Variants in ICA1 observed in about 807,000 individuals in gnomAD.
ICA1 encodes the protein islet cell autoantigen 1, also known as 69 kDa islet cell autoantigen.
ICA1 carries 40 observed loss-of-function variants against 71.0 expected under a neutral mutation model. The observed-to-expected ratio is 0.56, with a 90% confidence interval of 0.44 to 0.73. The LOEUF is 0.73. Ranked by LOEUF, ICA1 falls within the 30% of genes least tolerant of loss-of-function variation. The pLI, the probability that ICA1 is intolerant of heterozygous loss-of-function variation, is 0.00. For synonymous variants in ICA1, 207 were observed against 209.5 expected (o/e 0.99, Z 0.10); for missense variants, 578 against 576.5 (o/e 1.00, Z -0.03).
At chr7:8,232,078 C>A (rs1477244629) in intron 3 of ICA1, among the ~76,000 whole-genome samples, 5 of 152,050 alleles carry the variant, frequency 3.3e-5, no homozygotes, top group Non-Finnish European at 7.4e-5. Context: ...GTTAGTGGGC[C>A]TTCTTATATT....
At chr7:8,134,764 C>T (rs557282294) in intron 12 of ICA1, among the ~76,000 whole-genome samples, 28 of 152,186 alleles carry the variant, frequency 1.8e-4, no homozygotes, top group Non-Finnish European at 3.4e-4. Flanking sequence ...CTAAGAACTT[C>T]GCTCTGATGA....
intron 7 of ICA1, 92 bp downstream of exon 7, chr7:8,158,434 TG>T: frequency 6.6e-7 from 1 of 1,511,118 alleles, no homozygotes; most frequent in South Asian, 1.2e-5. Context: ...AACTTCACAA[TG>T]GCCAAAGCTT....
rs1798631671 is a variant in ICA1 at position 8,226,445 on chromosome 7, C to G, written c.256+2156G>C. Among the ~76,000 whole-genome samples the G allele has an allele frequency of 6.6e-6, 1 of 152,160 alleles. No homozygotes were observed. Among genetic ancestry groups the G allele is most frequent in the African/African-American group, 2.4e-5 (1 of 41,444 alleles). On this transcript the variant is annotated intron_variant, in intron 4 of 13. Coordinates refer to ENST00000402384, the MANE Select transcript of ICA1 (RefSeq NM_001136020.3). This position sits in a 1 kb window ranked among gnomAD's most constrained non-coding sequence, Gnocchi z 4.4. ...CTTTTTTTACATTTATATTTTATAT[C>G]ACCTTCTTGCTTGCATGAAGGATAG...
At chr7:8,127,761 TA>T in intron 13 of ICA1, 111 bp downstream of exon 13, 1 of 1,230,666 alleles carries the variant, frequency 8.1e-7, no homozygotes, top group Non-Finnish European at 1.1e-6. Flanking sequence ...AAAAAGTCAA[TA>T]AAAATAGAGA....
chr7:8,181,997 CA>C (rs1782329249), intron 6 of ICA1, among the ~76,000 whole-genome samples: 1 of 152,148 alleles, frequency 6.6e-6, no homozygotes. Context: ...TAGTTACTTG[CA>C]AAGCTTATGG....
chr7:8,195,909 A>T (rs12702704), intron 6 of ICA1, among the ~76,000 whole-genome samples: 86 of 152,144 alleles, frequency 5.7e-4, no homozygotes, highest in Admixed American at 2.1e-3. Context: ...ACCCAGGAGG[A>T]AGAGGTTGTG....
Position 8,232,630 on chromosome 7 carries a change from T to A in ICA1, c.143A>T (p.His48Leu), listed in dbSNP as rs941798189. The A allele has an allele frequency of 1.2e-6, 2 of 1,613,224 alleles. No homozygotes were observed. The highest frequency in any genetic ancestry group is 2.7e-5 in the African/African-American group (2 of 74,914). Residue 48 changes from histidine to leucine, a missense_variant, in exon 3 of 14, where the codon CAT becomes CTT. Coordinates refer to ENST00000402384, the MANE Select transcript of ICA1 (RefSeq NM_001136020.3). ...IKATGKKEDE[H>L]VVASDADLDA... ...CAGGTCCGCGTCAGAGGCAACAACA[T>A]GTTCATCTTCCTTCTTCCCTGTGGC...
At chr7:8,145,954 A>T (rs1010663808) in intron 8 of ICA1, among the ~76,000 whole-genome samples, 6 of 152,160 alleles carry the variant, frequency 3.9e-5, no homozygotes, top group African/African-American at 1.4e-4. Flanking sequence ...AGTGGAACCC[A>T]GGTCTTCTCT....
chr7:8,152,724 A>ACCACCACCATCTCCT (rs1462081990), intron 8 of ICA1, among the ~76,000 whole-genome samples: 2 of 142,350 alleles, frequency 1.4e-5, no homozygotes, highest in Non-Finnish European at 3.2e-5. Flanking sequence ...CTCCTCCACC[A>ACCACCACCATCTCCT]TCACCACCAC....
At chr7:8,244,026 A>C (rs1317318706) in intron 1 of ICA1, among the ~76,000 whole-genome samples, 3 of 145,048 alleles carry the variant, frequency 2.1e-5, no homozygotes, top group African/African-American at 7.9e-5. Context: ...CTATCCCCAT[A>C]TGACTTTCTT....
intron 1 of ICA1, among the ~76,000 whole-genome samples, chr7:8,245,597 G>A (rs1805688250): frequency 6.6e-6 from 1 of 151,874 alleles, no homozygotes; most frequent in African/African-American, 2.4e-5. Flanking sequence ...GAGTTTAAAT[G>A]TTCTAATAGC....
chr7:8,152,715 TC>T (rs1799587243), intron 8 of ICA1, among the ~76,000 whole-genome samples: 3 of 39,574 alleles, frequency 7.6e-5, no homozygotes, highest in Non-Finnish European at 1.2e-4. Context: ...CACCATCACC[TC>T]CTCCACCATC....
chr7:8,176,515 C>A (rs1007936051), intron 6 of ICA1, among the ~76,000 whole-genome samples: 2 of 152,170 alleles, frequency 1.3e-5, no homozygotes, highest in Admixed American at 6.5e-5. Flanking sequence ...AGACTCTAAG[C>A]TGCACGAAGG....
Position 8,173,654 on chromosome 7 carries a change from T to C in ICA1, c.580-15002A>G, listed in dbSNP as rs920396585. Among the ~76,000 whole-genome samples, 3 of 152,212 alleles carry C rather than the reference T, an allele frequency of 2.0e-5. No individual in the cohort carries two copies. The highest frequency in any genetic ancestry group is 4.4e-5 in the Non-Finnish European group (3 of 68,034). On this transcript the variant is annotated intron_variant, in intron 6 of 13. Coordinates refer to ENST00000402384, the MANE Select transcript of ICA1 (RefSeq NM_001136020.3). The surrounding 1 kb of genome is among the most constrained non-coding windows in gnomAD (Gnocchi z 4.0). ...AAATGAAGAAGGAATATAATCTGTT[T>C]CCAGTAGCAGGCCTGTCTTTCCAAG...
At chr7:8,231,317 G>A (rs571246834) in intron 3 of ICA1, among the ~76,000 whole-genome samples, 66 of 152,230 alleles carry the variant, frequency 4.3e-4, no homozygotes, top group African/African-American at 1.5e-3. Flanking sequence ...TGCAGGATGG[G>A]GAGGCAGGGC....
chr7:8,118,452 T>C (rs757835757), intron 13 of ICA1, among the ~76,000 whole-genome samples: 3 of 152,216 alleles, frequency 2.0e-5, no homozygotes, highest in Non-Finnish European at 4.4e-5. Context: ...CCCGAAATCC[T>C]TGAGCTGTTC....
chr7:8,240,727 T>C (rs577878830), intron 1 of ICA1, among the ~76,000 whole-genome samples: 18 of 152,028 alleles, frequency 1.2e-4, no homozygotes, highest in Non-Finnish European at 8.8e-5. Context: ...AATGACCTGA[T>C]GGAGCTGAAA....
chr7:8,218,840 T>C (rs1272111858), intron 5 of ICA1: 2 of 383,202 alleles, frequency 5.2e-6, no homozygotes, highest in South Asian at 2.2e-5. Flanking sequence ...GGCCAAGGCA[T>C]GACCACTGCC....
rs151179765 is a variant in ICA1, at chr7:8,113,902, G to A, written c.*21C>T. 2.7e-4 allele frequency: 438 copies of A among 1,613,894 alleles called. 2 individuals are homozygous for A. Among genetic ancestry groups the A allele is most frequent in the South Asian group, 1.3e-3 (121 of 91,076 alleles). ...GAGCTGCTGGGGGCGGCATGTGAGTGCCCTCCCGAAGGGTACAGATTCATG... is the reference window on the plus strand; with the variant it reads ...GAGCTGCTGGGGGCGGCATGTGAGTACCCTCCCGAAGGGTACAGATTCATG... On this transcript the variant is annotated 3_prime_UTR_variant, in exon 14 of 14. Coordinates refer to ENST00000402384, the MANE Select transcript of ICA1 (RefSeq NM_001136020.3). This position sits in a 1 kb window ranked among gnomAD's most constrained non-coding sequence, Gnocchi z 4.2.
Sources: gnomAD v4.1 joint callset for allele counts (sites outside exome capture counted in the v4.1 genomes callset) on GRCh38, gnomAD v4.1.1 for gene constraint, Gnocchi (gnomAD v3.1) non-coding constraint, MANE v1.5 for transcripts, NCBI Gene and HGNC (gene_info 2026-07-23, HGNC 2026-07-21) for gene names.